The following ZC3H13 variants were observed in gnomAD, a reference collection of about 807,000 sequenced individuals.
The protein encoded by ZC3H13 is zinc finger CCCH-type containing 13.
In ZC3H13, 64 loss-of-function variants were observed where a neutral mutation model predicts 204.1. The ratio of observed to expected loss-of-function variants is 0.31; its 90% confidence interval spans 0.26 to 0.39. ZC3H13 has a LOEUF of 0.39. Among genes scored for constraint, ZC3H13 ranks in the 10% least tolerant of loss-of-function variants. The probability of loss-of-function intolerance (pLI) is 1.00; values close to 1 mark genes in which losing one functional copy is unlikely to be tolerated. For synonymous variants in ZC3H13, 667 were observed against 693.7 expected (o/e 0.96, Z 0.60); for missense variants, 1,833 against 2,082.7 (o/e 0.88, Z 2.33).
intron 17 of ZC3H13, chr13:45,962,169 C>G: frequency 1.0e-6 from 1 of 985,226 alleles, no homozygotes; most frequent in Non-Finnish European, 1.2e-6. Context: ...GATAATTAGA[C>G]CTTGGATATG....
chr13:46,025,219 A>G (rs2042467655), intron 4 of ZC3H13, among the ~76,000 whole-genome samples: 2 of 152,222 alleles, frequency 1.3e-5, no homozygotes, highest in Admixed American at 1.3e-4. Context: ...GAGGATTTTA[A>G]ACATTCAATG....
intron 7 of ZC3H13, among the ~76,000 whole-genome samples, chr13:46,005,035 G>C (rs757215799): frequency 1.4e-4 from 21 of 152,068 alleles, no homozygotes; most frequent in Admixed American, 2.6e-4. Flanking sequence ...CAGAGCTCTA[G>C]TTAAAATATT....
chr13:46,043,777 C>A (rs2043750893), intron 3 of ZC3H13, among the ~76,000 whole-genome samples: 1 of 151,808 alleles, frequency 6.6e-6, no homozygotes, highest in Non-Finnish European at 1.5e-5. Context: ...ATTACTTTTT[C>A]CCATTTTAGA....
intron 7 of ZC3H13, among the ~76,000 whole-genome samples, chr13:46,005,640 C>G (rs2041082951): frequency 6.6e-6 from 1 of 152,068 alleles, no homozygotes; most frequent in Admixed American, 6.6e-5. Flanking sequence ...TAGGTGCATA[C>G]CACCACAACT....
intron 10 of ZC3H13, among the ~76,000 whole-genome samples, chr13:45,980,586 C>T (rs943998787): frequency 6.6e-6 from 1 of 152,038 alleles, no homozygotes; most frequent in Non-Finnish European, 1.5e-5. Flanking sequence ...GAATACTATT[C>T]GGCAATAAAA....
In ZC3H13 at chr13:45,988,808, G is replaced by A. The variant is rs2039751821; in HGVS notation, c.1234C>T (p.Arg412Ter). 1 of 1,612,700 alleles carries A rather than the reference G, an allele frequency of 6.2e-7. No individual in the cohort carries two copies. Among genetic ancestry groups the A allele is most frequent in the African/African-American group, 1.3e-5 (1 of 74,852 alleles). Reference protein sequence around the residue: ...DHERTSQSHDRRHERREDTRG... With the variant: ...DHERTSQSHD ...ACACCTTCCCTCCTTTCATGGCGTC[G>A]ATCATGAGACTGTGAAGTTCGTTCA... Residue 412 changes from arginine (R) to a stop codon, truncating the protein, a stop_gained, in exon 9 of 19, where the codon CGA becomes TGA. Coordinates refer to ENST00000679008, the MANE Select transcript of ZC3H13 (RefSeq NM_001330564.2). LOFTEE classifies it high-confidence loss of function.
intron 5 of ZC3H13, among the ~76,000 whole-genome samples, chr13:46,012,834 T>C (rs1049457180): frequency 2.4e-4 from 36 of 152,234 alleles, no homozygotes; most frequent in Non-Finnish European, 1.5e-4. Flanking sequence ...TGAGATACTT[T>C]ACATCAGTGA....
intron 4 of ZC3H13, among the ~76,000 whole-genome samples, chr13:46,025,162 A>T (rs1271340442): frequency 6.6e-6 from 1 of 152,218 alleles, no homozygotes; most frequent in African/African-American, 2.4e-5. Context: ...ATCCACTACT[A>T]AAGTTATCAT....
intron 9 of ZC3H13, among the ~76,000 whole-genome samples, chr13:45,986,641 A>G (rs1454498070): frequency 2.0e-5 from 3 of 152,222 alleles, no homozygotes; most frequent in Non-Finnish European, 2.9e-5. Context: ...CAAATTGATT[A>G]TAACAAATCT....
intron 7 of ZC3H13, among the ~76,000 whole-genome samples, chr13:46,004,798 C>A (rs1338175552): frequency 2.6e-5 from 4 of 152,132 alleles, no homozygotes; most frequent in African/African-American, 9.7e-5. Context: ...CAAAGATGGT[C>A]TCCTAAAATT....
Position 46,011,547 on chromosome 13 carries a change from G to A in ZC3H13, c.456C>T (p.Asp152=). The A allele has an allele frequency of 6.4e-7, 1 of 1,561,312 alleles. No homozygotes were observed. Among genetic ancestry groups the A allele is most frequent in the Non-Finnish European group, 8.6e-7 (1 of 1,156,250 alleles). Residue 152 remains aspartate (D), a synonymous_variant, in exon 6 of 19, where the codon GAC becomes GAT. Coordinates refer to ENST00000679008, the MANE Select transcript of ZC3H13 (RefSeq NM_001330564.2). ...VEWETNRDDS[D]NGDINYDYVH... ...CATAATCATAATTAATATCTCCATT[G>A]TCAGAATCTTTAAAATAAAATTGCA...
intron 10 of ZC3H13, 88 bp from the exon 11 acceptor site, chr13:45,980,092 C>G: frequency 9.2e-7 from 1 of 1,091,834 alleles, no homozygotes; most frequent in South Asian, 1.8e-5. Context: ...CTAAACATCA[C>G]TAATATATAT....
rs1055768 is a variant in ZC3H13, at chr13:46,010,426, G to A, written c.668C>T (p.Ser223Leu). 1 of 1,613,836 alleles carries A rather than the reference G, an allele frequency of 6.2e-7. No individual in the cohort carries two copies. Among genetic ancestry groups the A allele is most frequent in the Non-Finnish European group, 8.5e-7 (1 of 1,179,804 alleles). The change falls in exon 7 of 19, where the codon TCA becomes TTA. Residue 223 changes from serine (S) to leucine (L), a missense_variant. Physicochemically the swap from Ser to Leu is moderately radical, Grantham distance 145. Coordinates refer to ENST00000679008, the MANE Select transcript of ZC3H13 (RefSeq NM_001330564.2). The stretch of plus-strand genomic sequence containing the variant: ...GCTAGCTGAAGACGACTTCGGGCTT[G>A]ATTTTCGCTTCGGAGATTTGCTAGA... ...RKSSKSPKRK[S>L]SPKSSSASKK...
chr13:46,017,177 T>C (rs2041959965), intron 5 of ZC3H13, among the ~76,000 whole-genome samples: 1 of 152,032 alleles, frequency 6.6e-6, no homozygotes, highest in Non-Finnish European at 1.5e-5. Flanking sequence ...GAAAAGAAGA[T>C]GGCTAGGTAA....
At chr13:45,981,568 C>T (rs901616538) in intron 10 of ZC3H13, among the ~76,000 whole-genome samples, 2 of 152,058 alleles carry the variant, frequency 1.3e-5, no homozygotes, top group Non-Finnish European at 2.9e-5. Flanking sequence ...ACACTGACTT[C>T]CACAAGGGTT....
intron 12 of ZC3H13, among the ~76,000 whole-genome samples, 166 bp downstream of exon 12, chr13:45,975,117 T>C (rs1234940197): frequency 6.6e-6 from 1 of 151,678 alleles, no homozygotes; most frequent in African/African-American, 2.4e-5. Context: ...AAGTGCTGGG[T>C]AAAAAAACTT....
chr13:46,003,383 G>T (rs998180695), intron 7 of ZC3H13, 47 bp from the exon 8 acceptor site: 1 of 1,552,022 alleles, frequency 6.4e-7, no homozygotes, highest in Non-Finnish European at 8.7e-7. Context: ...TATGCCAAAA[G>T]GATATTTTTT....
chr13:46,052,252 G>C (rs1028535230), intron 1 of ZC3H13, among the ~76,000 whole-genome samples, 152 bp downstream of exon 1: 2 of 151,900 alleles, frequency 1.3e-5, no homozygotes, highest in East Asian at 1.9e-4. Flanking sequence ...CTGAGCACAG[G>C]GGGCTATTGC....
At chr13:46,043,827 A>G (rs1349037103) in intron 3 of ZC3H13, among the ~76,000 whole-genome samples, 1 of 152,032 alleles carries the variant, frequency 6.6e-6, no homozygotes, top group Non-Finnish European at 1.5e-5. Flanking sequence ...GATTTCTTGA[A>G]TAAAAATTCT....
Sources: allele counts gnomAD v4.1 joint callset (sites outside exome capture counted in the v4.1 genomes callset), GRCh38; gene constraint gnomAD v4.1.1; transcripts MANE v1.5; gene names NCBI Gene and HGNC (gene_info 2026-07-23, HGNC 2026-07-21).